The following C3orf49 variants were observed in gnomAD, a reference collection of about 807,000 sequenced individuals.
C3orf49 encodes the protein chromosome 3 open reading frame 49.
A neutral mutation model predicts 13.3 loss-of-function variants in C3orf49; 27 were observed. The ratio of observed to expected loss-of-function variants is 2.02; its 90% CI spans 1.49 to 2.79. The LOEUF (loss-of-function observed/expected upper bound fraction) is 2.79. Among genes scored for constraint, C3orf49 ranks in the 30% most tolerant of loss-of-function variants. The pLI, the probability that C3orf49 is intolerant of heterozygous loss-of-function variation, is 0.00. For missense variants in C3orf49, 242 were observed against 134.2 expected (o/e 1.80, Z -3.97); for synonymous variants, 87 against 47.6 (o/e 1.83, Z -3.40).
the C3orf49 span, among the ~76,000 whole-genome samples, chr3:63,790,858 A>AT: frequency 1.3e-5 from 2 of 152,124 alleles, no homozygotes; most frequent in African/African-American, 4.8e-5. Context: ...CTTCAGAAAA[A>AT]CTGTGGAAGA....
the C3orf49 span, among the ~76,000 whole-genome samples, chr3:63,780,977 G>A: frequency 6.6e-6 from 1 of 151,678 alleles, no homozygotes; most frequent in Non-Finnish European, 1.5e-5. Context: ...TTGCTGTGCA[G>A]AAGCTCTTTA....
chr3:63,808,784 C>G, the C3orf49 span, among the ~76,000 whole-genome samples: 5 of 152,232 alleles, frequency 3.3e-5, no homozygotes, highest in Non-Finnish European at 7.4e-5. Flanking sequence ...CCCCTTCACT[C>G]CCTGCCCAGG....
At chr3:63,786,844 A>C in the C3orf49 span, among the ~76,000 whole-genome samples, 1 of 152,186 alleles carries the variant, frequency 6.6e-6, no homozygotes, top group African/African-American at 2.4e-5. Flanking sequence ...ACTTTACATC[A>C]TGTCTCTCTG....
At chr3:63,792,859 T>C in the C3orf49 span, among the ~76,000 whole-genome samples, 14 of 152,312 alleles carry the variant, frequency 9.2e-5, no homozygotes, top group South Asian at 6.2e-4. Flanking sequence ...TTAATAAATA[T>C]GAGAAAAGAT....
intron 5 of C3orf49, among the ~76,000 whole-genome samples, chr3:63,841,069 T>C (rs1701747918): frequency 6.6e-6 from 1 of 152,188 alleles, no homozygotes; most frequent in African/African-American, 2.4e-5. Context: ...ATTCACATAA[T>C]GTAATAGTAT....
chr3:63,833,448 A>T (rs1701561451), intron 5 of C3orf49, among the ~76,000 whole-genome samples: 2 of 152,338 alleles, frequency 1.3e-5, no homozygotes, highest in East Asian at 3.9e-4. Flanking sequence ...TCTTCACTTT[A>T]TCAATACATC....
At chr3:63,827,805 C>T (rs1001079223) in intron 3 of C3orf49, 80 bp downstream of exon 3, 31 of 661,276 alleles carry the variant, frequency 4.7e-5, no homozygotes, top group African/African-American at 1.8e-5. Context: ...CAAGTTCTGT[C>T]CTACCATGAG....
the C3orf49 span, among the ~76,000 whole-genome samples, chr3:63,793,201 A>G: frequency 1.3e-5 from 2 of 152,190 alleles, no homozygotes; most frequent in African/African-American, 4.8e-5. Flanking sequence ...CTAAGAGACT[A>G]GTCTCAAGCA....
At chr3:63,802,135 G>A in the C3orf49 span, among the ~76,000 whole-genome samples, 9 of 152,156 alleles carry the variant, frequency 5.9e-5, no homozygotes, top group African/African-American at 1.7e-4. Flanking sequence ...ATGACAGGTC[G>A]CAATTTGAAG....
intron 3 of C3orf49, among the ~76,000 whole-genome samples, chr3:63,828,869 T>C (rs889878621): frequency 1.3e-5 from 2 of 152,190 alleles, no homozygotes; most frequent in Admixed American, 1.3e-4. Context: ...CACCTGGCTC[T>C]AGAGTCCTTA....
intron 1 of C3orf49, among the ~76,000 whole-genome samples, chr3:63,821,757 CA>C (rs775954616): frequency 6.6e-6 from 1 of 151,864 alleles, no homozygotes; most frequent in Non-Finnish European, 1.5e-5. Context: ...GAGAATTACG[CA>C]AACAGAAGAC....
rs1344184897 is a variant in C3orf49, at chr3:63,823,230, AC to A, written c.126-18del. On this transcript the variant is annotated intron_variant, in intron 1 of 6. Coordinates refer to ENST00000295896, the MANE Select transcript of C3orf49 (RefSeq NM_001355236.2). ...TAACTTTTCAGTTTCCCTAATATGA[AC>A]CATTTTTATTTTGTTTAGATGGCAT... The A allele has an allele frequency of 1.5e-6, 1 of 667,160 alleles. No individual in the cohort carries two copies. Among genetic ancestry groups the A allele is most frequent in the Non-Finnish European group, 2.7e-6 (1 of 367,254 alleles). 41.3% of individuals were successfully genotyped at this position (667,160 alleles called of 1,614,324 possible). A position where few individuals can be genotyped will look rare whatever the true frequency, so the allele number is the denominator to read the frequency against.
the C3orf49 span, among the ~76,000 whole-genome samples, chr3:63,803,905 G>A: frequency 2.0e-4 from 30 of 151,688 alleles, no homozygotes; most frequent in Non-Finnish European, 3.5e-4. Context: ...TAGAATCAGC[G>A]GGAGTCCTAA....
At chr3:63,806,270 G>C in the C3orf49 span, among the ~76,000 whole-genome samples, 1 of 152,180 alleles carries the variant, frequency 6.6e-6, no homozygotes, top group Non-Finnish European at 1.5e-5. Context: ...GCGCTAACAC[G>C]CTTGTTAACA....
At chr3:63,821,299 T>C (rs902706517) in intron 1 of C3orf49, among the ~76,000 whole-genome samples, 1 of 152,178 alleles carries the variant, frequency 6.6e-6, no homozygotes, top group African/African-American at 2.4e-5. Context: ...AGTGTTTTCC[T>C]GGAGAGTAGT....
chr3:63,816,110 T>A (rs1701321531), upstream of C3orf49, among the ~76,000 whole-genome samples: 1 of 151,662 alleles, frequency 6.6e-6, no homozygotes, highest in South Asian at 2.1e-4. Flanking sequence ...TATTTATTTT[T>A]AATTCTTTTT....
chr3:63,782,732 T>C, the C3orf49 span: 1 of 152,218 alleles, frequency 6.6e-6, no homozygotes, highest in Non-Finnish European at 1.5e-5. Flanking sequence ...TCGAGTCAGT[T>C]GAAAGGACAG....
chr3:63,827,897 A>G (rs1478178114), intron 3 of C3orf49, among the ~76,000 whole-genome samples, 172 bp downstream of exon 3: 1 of 152,140 alleles, frequency 6.6e-6, no homozygotes, highest in Non-Finnish European at 1.5e-5. Flanking sequence ...AGATTCTTCT[A>G]CTTCTAAGCT....
intron 1 of C3orf49, among the ~76,000 whole-genome samples, chr3:63,822,263 C>CCG (rs1471322876): frequency 6.6e-6 from 1 of 152,214 alleles, no homozygotes; most frequent in Non-Finnish European, 1.5e-5. Context: ...GCGTAAGCCA[C>CCG]CGCGCCTGGC....
Sources: gnomAD v4.1 joint callset for allele counts (sites outside exome capture counted in the v4.1 genomes callset) on GRCh38, gnomAD v4.1.1 for gene constraint, MANE v1.5 for transcripts, NCBI Gene and HGNC (gene_info 2026-07-23, HGNC 2026-07-21) for gene names.